ELOC: variants seen among roughly 807,000 people sequenced by gnomAD.
The protein encoded by ELOC is elongin C, also known as elongin-C.
For synonymous variants in ELOC, 40 were observed against 51.3 expected, an observed-to-expected ratio of 0.78 and a Z score of 0.94; for missense variants, 38 against 139.0, an observed-to-expected ratio of 0.27 and a Z score of 3.65.
intron 1 of ELOC, among the ~76,000 whole-genome samples, chr8:73,970,066 G>A (rs1196241064): frequency 6.6e-6 from 1 of 152,172 alleles, no homozygotes; most frequent in Non-Finnish European, 1.5e-5. Flanking sequence ...AAGGCAGGAA[G>A]CCTACTTGAG....
At chr8:73,960,737 C>T (rs1184569767) in intron 1 of ELOC, among the ~76,000 whole-genome samples, 2 of 152,142 alleles carry the variant, frequency 1.3e-5, no homozygotes, top group African/African-American at 2.4e-5. Context: ...GTATTTAGTA[C>T]ACAGTGGTAG....
chr8:73,950,485 ATATCT>A (rs569607331), intron 3 of ELOC, among the ~76,000 whole-genome samples: 13 of 152,210 alleles, frequency 8.5e-5, no homozygotes, highest in East Asian at 1.9e-4. Flanking sequence ...TAACCAAATA[ATATCT>A]TATAGGAAAA....
At chr8:73,967,611 G>A (rs752757210) in intron 1 of ELOC, among the ~76,000 whole-genome samples, 13 of 151,884 alleles carry the variant, frequency 8.6e-5, no homozygotes, top group Admixed American at 4.6e-4. Flanking sequence ...GGGATTACAG[G>A]CATGCATCAC....
At chr8:73,954,853 G>A (rs909806636) in intron 3 of ELOC, among the ~76,000 whole-genome samples, 6 of 150,380 alleles carry the variant, frequency 4.0e-5, no homozygotes, top group Non-Finnish European at 5.9e-5. Flanking sequence ...CCAATATGGT[G>A]AAAACCCCGT....
At chr8:73,958,700 G>T (rs1467357673) in intron 2 of ELOC, among the ~76,000 whole-genome samples, 1 of 152,126 alleles carries the variant, frequency 6.6e-6, no homozygotes, top group East Asian at 1.9e-4. Context: ...AACATTGTAT[G>T]TTTGTCAGGA....
intron 2 of ELOC, among the ~76,000 whole-genome samples, chr8:73,957,796 A>T (rs1814297677): frequency 6.6e-6 from 1 of 152,040 alleles, no homozygotes; most frequent in Non-Finnish European, 1.5e-5. Flanking sequence ...ATTTATTTTT[A>T]TTTTTTGAGA....
chr8:73,968,762 T>A (rs1388469704), intron 1 of ELOC, among the ~76,000 whole-genome samples: 1 of 152,224 alleles, frequency 6.6e-6, no homozygotes, highest in Non-Finnish European at 1.5e-5. Context: ...CCCATCCACT[T>A]CTTAACCTAT....
At chr8:73,956,315 G>A (rs558294604) in intron 2 of ELOC, among the ~76,000 whole-genome samples, 3 of 152,254 alleles carry the variant, frequency 2.0e-5, no homozygotes, top group Admixed American at 6.5e-5. Flanking sequence ...AACCTCGGAG[G>A]TGGAGGCTGC....
intron 3 of ELOC, among the ~76,000 whole-genome samples, chr8:73,951,570 AG>A (rs1813759222): frequency 6.6e-6 from 1 of 151,930 alleles, no homozygotes; most frequent in Non-Finnish European, 1.5e-5. Context: ...GCTTGAGCCT[AG>A]GAAGGCTTGT....
chr8:73,952,983 C>T (rs1813876617), intron 3 of ELOC, among the ~76,000 whole-genome samples: 1 of 152,070 alleles, frequency 6.6e-6, no homozygotes, highest in African/African-American at 2.4e-5. Flanking sequence ...TGTTCAACAT[C>T]ATTAGTCATT....
At chr8:73,971,032 C>CAAAAAAAAAAAAAAAA (rs67188912) in intron 1 of ELOC, among the ~76,000 whole-genome samples, 246 of 61,794 alleles carry the variant, frequency 4.0e-3, no homozygotes, top group Non-Finnish European at 5.7e-3. Flanking sequence ...GACTCCGTCT[C>CAAAAAAAAAAAAAAAA]AAAAAAAAAA....
At chr8:73,948,760 G>A (rs945597535) in intron 3 of ELOC, among the ~76,000 whole-genome samples, 35 of 152,060 alleles carry the variant, frequency 2.3e-4, no homozygotes, top group African/African-American at 4.3e-4. Context: ...GCTTGAGCCC[G>A]GGAGTTCAAG....
In ELOC at chr8:73,968,120, C is replaced by T. The variant is rs190317233; in HGVS notation, c.-51+3957G>A. On this transcript the variant is annotated intron_variant, in intron 1 of 3. Coordinates refer to ENST00000520242, the MANE Select transcript of ELOC (RefSeq NM_005648.4). ...AATCAATGGCTACCTTATATAGACC[C>T]GAATCCATCTCCACATCTGAATTTC... is the stretch of plus-strand genomic sequence containing the variant. Among the ~76,000 whole-genome samples, 27 of 152,280 alleles carry T rather than the reference C, an allele frequency of 1.8e-4. No individual in the cohort carries two copies. The East Asian group carries it at 4.8e-3, about 27-fold the overall frequency.
At chr8:73,949,511 T>C (rs527554878) in intron 3 of ELOC, among the ~76,000 whole-genome samples, 45 of 152,352 alleles carry the variant, frequency 3.0e-4, no homozygotes, top group African/African-American at 1.1e-3. Context: ...AACATTTTCA[T>C]CATCCCAAAT....
intron 3 of ELOC, among the ~76,000 whole-genome samples, chr8:73,953,603 T>A (rs1813925566): frequency 6.6e-6 from 1 of 151,368 alleles, no homozygotes; most frequent in Non-Finnish European, 1.5e-5. Flanking sequence ...GAGGTTGTGG[T>A]GAACCAAGAC....
At chr8:73,962,259 G>A (rs1050947324) in intron 1 of ELOC, among the ~76,000 whole-genome samples, 1 of 152,174 alleles carries the variant, frequency 6.6e-6, no homozygotes, top group African/African-American at 2.4e-5. Flanking sequence ...GAGAAACACT[G>A]GAAGAGTCTG....
At chr8:73,966,873 T>A (rs1419538155) in intron 1 of ELOC, among the ~76,000 whole-genome samples, 1 of 152,180 alleles carries the variant, frequency 6.6e-6, no homozygotes, top group Non-Finnish European at 1.5e-5. Context: ...CTCCTATCTA[T>A]CCTTTTGCTG....
chr8:73,950,240 T>C (rs1006914853), intron 3 of ELOC, among the ~76,000 whole-genome samples: 5 of 152,174 alleles, frequency 3.3e-5, no homozygotes, highest in Non-Finnish European at 7.3e-5. Flanking sequence ...TGGCTCTTTC[T>C]GACATAAAAA....
chr8:73,950,794 G>A (rs1813704039), intron 3 of ELOC, among the ~76,000 whole-genome samples: 2 of 152,184 alleles, frequency 1.3e-5, no homozygotes, highest in Non-Finnish European at 2.9e-5. Context: ...AAGCTCAAAT[G>A]TAATTCAATA....
Sources: allele counts gnomAD v4.1 joint callset (sites outside exome capture counted in the v4.1 genomes callset), GRCh38; gene constraint gnomAD v4.1.1; transcripts MANE v1.5; gene names NCBI Gene and HGNC (gene_info 2026-07-23, HGNC 2026-07-21).